Variants in KCNQ1 observed in about 807,000 individuals in gnomAD.
KCNQ1 encodes potassium voltage-gated channel subfamily Q member 1, also known as potassium voltage-gated channel subfamily KQT member 1.
A neutral mutation model predicts 72.4 loss-of-function variants in KCNQ1; 49 were observed. The observed-to-expected ratio is 0.68, with a 90% confidence interval of 0.54 to 0.86. The LOEUF is 0.86. KCNQ1 is among the 40% of genes least tolerant of loss of function. The pLI is 0.00. For synonymous variants in KCNQ1, 450 were observed against 412.6 expected (o/e 1.09, Z -1.10); for missense variants, 790 against 945.1 (o/e 0.84, Z 2.15).
chr11:2,807,480 G>A (rs1034564826), intron 15 of KCNQ1, among the ~76,000 whole-genome samples: 1 of 152,212 alleles, frequency 6.6e-6, no homozygotes. Flanking sequence ...CCAGCGCGAT[G>A]TCATGAGGTA....
intron 1 of KCNQ1, chr11:2,461,930 C>A: frequency 2.5e-6 from 1 of 393,258 alleles, no homozygotes; most frequent in Non-Finnish European, 5.0e-6. Context: ...CTGGGTGCAG[C>A]TGTCTGCTGT....
rs1846025780 is a variant in KCNQ1 at position 2,445,553 on chromosome 11, C to G, written c.386+69C>G. 2.0e-6 allele frequency: 3 copies of G among 1,524,034 alleles called. No homozygotes were observed. The East Asian group carries it at 7.0e-5, about 36-fold the overall frequency. 94.4% of individuals were successfully genotyped at this position (1,524,034 alleles called of 1,614,324 possible). A position where few individuals can be genotyped will look rare whatever the true frequency, so the allele number is the denominator to read the frequency against. On this transcript the variant is annotated intron_variant, in intron 1 of 15. Transcript: ENST00000155840. ...GAGAGCTGGTGTGGGGGAGCTCTGTCCCAGCGCCACCTGCCCCGTCGGAGC... is the reference window on the plus strand; with the variant it reads ...GAGAGCTGGTGTGGGGGAGCTCTGTGCCAGCGCCACCTGCCCCGTCGGAGC...
At chr11:2,686,906 C>T in intron 11 of KCNQ1, 1 of 398,688 alleles carries the variant, frequency 2.5e-6, no homozygotes, top group Non-Finnish European at 4.4e-6. Flanking sequence ...TAGAGGCAAC[C>T]CAATCCAGGT....
At chr11:2,513,181 CCG>C (rs1462610954) in intron 1 of KCNQ1, among the ~76,000 whole-genome samples, 5 of 152,180 alleles carry the variant, frequency 3.3e-5, no homozygotes, top group African/African-American at 9.7e-5. Context: ...CCCCCACCCT[CCG>C]ACCAGGACCT....
chr11:2,561,019 G>T (rs1024614564), intron 2 of KCNQ1, among the ~76,000 whole-genome samples: 1 of 151,820 alleles, frequency 6.6e-6, no homozygotes, highest in East Asian at 1.9e-4. Flanking sequence ...TGGCTAACAC[G>T]GTGAAACCCC....
In KCNQ1 at chr11:2,776,943, G is replaced by A. The variant is rs202097561; in HGVS notation, c.1686-43G>A. ...ACAGACGACAGTGCATCTGCGCAGTGCCAGGGCCAGGTGTGAACTGGTGTC... is the reference window on the plus strand; with the variant it reads ...ACAGACGACAGTGCATCTGCGCAGTACCAGGGCCAGGTGTGAACTGGTGTC... On this transcript the variant is annotated intron_variant, in intron 13 of 15. Transcript: ENST00000155840. 2.0e-4 allele frequency: 317 copies of A among 1,599,284 alleles called. No homozygotes were observed. The East Asian group carries it at 5.4e-3, about 27-fold the overall frequency.
chr11:2,732,609 G>GGGGCCCGA (rs1233557978), intron 11 of KCNQ1, among the ~76,000 whole-genome samples: 2 of 152,192 alleles, frequency 1.3e-5, no homozygotes, highest in Non-Finnish European at 2.9e-5. Flanking sequence ...TGCTTCCGAC[G>GGGGCCCGA]GGGCCCGAGG....
chr11:2,662,438 C>A lies in KCNQ1; in HGVS notation c.1514+357C>A. 7.0e-6 allele frequency: 3 copies of A among 426,140 alleles called. No individual in the cohort carries two copies. In the South Asian group the frequency reaches 1.2e-4, roughly 18 times the overall value. 26.4% of individuals were successfully genotyped at this position (426,140 alleles called of 1,614,324 possible). On this transcript the variant is annotated intron_variant, in intron 11 of 15. Transcript: ENST00000155840. ...TGTTTTTTAGCATTTCCCCATGGAA[C>A]CCTGGCCAAAGCCATGGGGCAGATG...
intron 11 of KCNQ1, among the ~76,000 whole-genome samples, chr11:2,751,573 C>T (rs1433559345): frequency 1.3e-5 from 2 of 152,274 alleles, no homozygotes; most frequent in African/African-American, 2.4e-5. Flanking sequence ...CCATCCCGGC[C>T]AACAGGCCAC....
Position 2,733,844 on chromosome 11 carries a change from T to A in KCNQ1, c.1515-35000T>A, listed in dbSNP as rs1316633315. Among the ~76,000 whole-genome samples the A allele has an allele frequency of 6.4e-4, 16 of 24,860 alleles. 1 individual carries two copies. Among genetic ancestry groups the A allele is most frequent in the African/African-American group, 3.1e-3 (10 of 3,198 alleles). 16.3% of individuals were successfully genotyped at this position (24,860 alleles called of 152,430 possible). A position where few individuals can be genotyped will look rare whatever the true frequency, so the allele number is the denominator to read the frequency against. ...CTCACTCTCTCTCTCTCTCTCTCTC[T>A]CTCTCTCTCTCTCCCCCCCCACTTC... On this transcript the variant is annotated intron_variant, in intron 11 of 15. Transcript: ENST00000155840.
chr11:2,797,077 G>C (rs940437384), intron 15 of KCNQ1, among the ~76,000 whole-genome samples: 1 of 152,222 alleles, frequency 6.6e-6, no homozygotes, highest in Admixed American at 6.5e-5. Flanking sequence ...CATTGTTCAC[G>C]GCCTCACCTG....
chr11:2,470,863 A>G (rs73419512), intron 1 of KCNQ1, among the ~76,000 whole-genome samples: 2,141 of 152,246 alleles, frequency 0.014, 40 homozygotes, highest in East Asian at 0.048. Flanking sequence ...CAGTTTATCA[A>G]CTTGTTCCCT....
chr11:2,728,066 C>G (rs997192642), intron 11 of KCNQ1, among the ~76,000 whole-genome samples: 8 of 152,108 alleles, frequency 5.3e-5, no homozygotes, highest in Non-Finnish European at 1.2e-4. Context: ...TCCCCAGCCA[C>G]TCTGGCCTTC....
rs898085223 is a variant in KCNQ1, at chr11:2,543,734, T to G, written c.477+15716T>G. On this transcript the variant is annotated intron_variant, in intron 2 of 15. Transcript: ENST00000155840. This position sits in a 1 kb window ranked among gnomAD's most constrained non-coding sequence, Gnocchi z 5.6. The stretch of plus-strand genomic sequence containing the variant: ...GCTAGTAGTTTTATAATTTTTGTGC[T>G]TACCTTTAGGCCTAGGATGCATTTT... 3.3e-5 allele frequency among the ~76,000 whole-genome samples: 5 copies of G among 152,238 alleles called. No homozygotes were observed. The highest frequency in any genetic ancestry group is 1.2e-4 in the African/African-American group (5 of 41,464).
intron 15 of KCNQ1, among the ~76,000 whole-genome samples, chr11:2,802,208 A>G (rs1354615808): frequency 6.6e-6 from 1 of 152,194 alleles, no homozygotes; most frequent in African/African-American, 2.4e-5. Flanking sequence ...CCTTCTGACA[A>G]TGCGAAGCCC....
Position 2,488,762 on chromosome 11 carries a change from G to C in KCNQ1, c.387-39166G>C, listed in dbSNP as rs1472355629. On this transcript the variant is annotated intron_variant, in intron 1 of 15. Transcript: ENST00000155840. This position sits in a 1 kb window ranked among gnomAD's most constrained non-coding sequence, Gnocchi z 5.1. ...TTTTACTTAGTCCATCTAGCTAAAGGTTTGTCAATTCTTAAAATCTTTTCA... is the reference window on the plus strand; with the variant it reads ...TTTTACTTAGTCCATCTAGCTAAAGCTTTGTCAATTCTTAAAATCTTTTCA... 6.6e-6 allele frequency among the ~76,000 whole-genome samples: 1 copy of C among 152,140 alleles called. No individual in the cohort carries two copies. Among genetic ancestry groups the C allele is most frequent in the Non-Finnish European group, 1.5e-5 (1 of 68,038 alleles).
chr11:2,758,250 A>G (rs1846335323), intron 11 of KCNQ1, among the ~76,000 whole-genome samples: 1 of 152,234 alleles, frequency 6.6e-6, no homozygotes, highest in African/African-American at 2.4e-5. Context: ...GGCAAAAGAC[A>G]CGAAGAGACA....
intron 11 of KCNQ1, among the ~76,000 whole-genome samples, chr11:2,755,877 A>G (rs1016430290): frequency 2.0e-5 from 3 of 152,262 alleles, no homozygotes; most frequent in African/African-American, 7.2e-5. Flanking sequence ...ATCAATAAAT[A>G]TACAAATTAT....
At position 2,809,382 on chromosome 11, in the gene KCNQ1, G is replaced by A. The variant is rs549461555; in HGVS notation, c.1794+31345G>A. On this transcript the variant is annotated intron_variant, in intron 15 of 15. Coordinates refer to ENST00000155840, the MANE Select transcript of KCNQ1 (RefSeq NM_000218.3). The surrounding 1 kb of genome is among the most constrained non-coding windows in gnomAD (Gnocchi z 7.1). ...TCAGCTTTGTGTGGTAGCCAGCGAC[G>A]CTGCAACCCCGCCCCCGCAGCCTCC... Among the ~76,000 whole-genome samples, 4 of 152,246 alleles carry A rather than the reference G, an allele frequency of 2.6e-5. No individual in the cohort carries two copies. The highest frequency in any genetic ancestry group is 1.9e-4 in the East Asian group (1 of 5,180).
Sources: gnomAD v4.1 joint callset for allele counts (sites outside exome capture counted in the v4.1 genomes callset) on GRCh38, gnomAD v4.1.1 for gene constraint, Gnocchi (gnomAD v3.1) non-coding constraint, MANE v1.5 for transcripts, NCBI Gene and HGNC (gene_info 2026-07-23, HGNC 2026-07-21) for gene names.